BMAL2: variants seen among roughly 807,000 people sequenced by gnomAD.
BMAL2 encodes basic helix-loop-helix ARNT-like protein 2.
At chr12:27,367,254 G>A in the BMAL2 span, among the ~76,000 whole-genome samples, 1 of 144,774 alleles carries the variant, frequency 6.9e-6, no homozygotes, top group Non-Finnish European at 1.5e-5. Context: ...TAAGTGACTC[G>A]CGGGCAGGTG....
At chr12:27,423,880 C>G in the BMAL2 span, 1 of 152,160 alleles carries the variant, frequency 6.6e-6, no homozygotes. Context: ...ACTGTGCTGT[C>G]CAGTGCAGTA....
the BMAL2 span, chr12:27,394,647 T>C: frequency 6.6e-6 from 1 of 152,372 alleles, no homozygotes; most frequent in African/African-American, 2.4e-5. Flanking sequence ...TTCAACATTT[T>C]TTTTAGATTT....
chr12:27,374,561 A>G, the BMAL2 span, among the ~76,000 whole-genome samples: 1 of 152,222 alleles, frequency 6.6e-6, no homozygotes, highest in South Asian at 2.1e-4. Context: ...GAAGAAAATT[A>G]TTCATCTGTA....
At chr12:27,410,287 CAT>C in the BMAL2 span, among the ~76,000 whole-genome samples, 3 of 152,170 alleles carry the variant, frequency 2.0e-5, no homozygotes, top group Non-Finnish European at 4.4e-5. Context: ...TTTAAAGACA[CAT>C]ACACACGTAT....
chr12:27,403,416 C>A, the BMAL2 span: 1 of 1,446,920 alleles, frequency 6.9e-7, no homozygotes, highest in South Asian at 1.2e-5. Context: ...TGAATTTCTC[C>A]TTTTGCTGTT....
chr12:27,389,055 G>A, the BMAL2 span: 259 of 747,988 alleles, frequency 3.5e-4, 1 homozygote, highest in South Asian at 2.6e-3. Flanking sequence ...ACACAGTGTC[G>A]TGGACATATC....
At chr12:27,345,092 C>T in the BMAL2 span, among the ~76,000 whole-genome samples, 7 of 152,122 alleles carry the variant, frequency 4.6e-5, no homozygotes, top group Non-Finnish European at 1.0e-4. Flanking sequence ...TTTCTCAAGG[C>T]TATCATGAAA....
chr12:27,349,842 A>G, the BMAL2 span, among the ~76,000 whole-genome samples: 1 of 152,088 alleles, frequency 6.6e-6, no homozygotes, highest in Admixed American at 6.6e-5. Flanking sequence ...AGTCACACAC[A>G]GTAAGTTAGG....
chr12:27,351,862 G>C, the BMAL2 span, among the ~76,000 whole-genome samples: 1 of 152,062 alleles, frequency 6.6e-6, no homozygotes, highest in Non-Finnish European at 1.5e-5. Flanking sequence ...CTGATTGGTT[G>C]GCCCTACTTT....
chr12:27,402,588 A>G, the BMAL2 span: 5 of 1,567,138 alleles, frequency 3.2e-6, no homozygotes, highest in African/African-American at 5.5e-5. Flanking sequence ...CACCTTAGAA[A>G]GTAAATCACC....
the BMAL2 span, among the ~76,000 whole-genome samples, chr12:27,382,312 A>G: frequency 6.6e-6 from 1 of 152,222 alleles, no homozygotes; most frequent in Admixed American, 6.5e-5. Context: ...ACAAAACATG[A>G]TCTGAGCATC....
the BMAL2 span, among the ~76,000 whole-genome samples, chr12:27,368,964 A>G: frequency 6.6e-6 from 1 of 152,202 alleles, no homozygotes; most frequent in Non-Finnish European, 1.5e-5. Context: ...CCCCAAAGCT[A>G]GAGTTTATAT....
chr12:27,403,096 A>G, the BMAL2 span, among the ~76,000 whole-genome samples: 2 of 152,108 alleles, frequency 1.3e-5, no homozygotes, highest in East Asian at 3.8e-4. Flanking sequence ...GTATTGGGGG[A>G]GTTTTTGCTT....
the BMAL2 span, chr12:27,422,722 T>C: frequency 6.6e-6 from 1 of 152,360 alleles, no homozygotes; most frequent in East Asian, 1.9e-4. Flanking sequence ...GTTCTCTAAA[T>C]TGAGCAGAGG....
the BMAL2 span, among the ~76,000 whole-genome samples, chr12:27,345,040 C>T: frequency 6.6e-6 from 1 of 152,216 alleles, no homozygotes; most frequent in Non-Finnish European, 1.5e-5. Context: ...GGCTTCCTAA[C>T]TGGTATTTCT....
At chr12:27,344,578 C>T in the BMAL2 span, among the ~76,000 whole-genome samples, 1 of 152,184 alleles carries the variant, frequency 6.6e-6, no homozygotes, top group East Asian at 1.9e-4. Context: ...GTTTCTTTTT[C>T]CTCAAGGAAG....
chr12:27,350,770 C>T, the BMAL2 span, among the ~76,000 whole-genome samples: 3 of 151,860 alleles, frequency 2.0e-5, no homozygotes, highest in Non-Finnish European at 2.9e-5. Flanking sequence ...ACCTCCTCCT[C>T]CCAGGTTCAA....
At chr12:27,409,675 T>C in the BMAL2 span, among the ~76,000 whole-genome samples, 4 of 152,174 alleles carry the variant, frequency 2.6e-5, no homozygotes, top group Non-Finnish European at 5.9e-5. Context: ...ATTCAGGACA[T>C]AGGCATGGGC....
chr12:27,372,894 C>T, the BMAL2 span, among the ~76,000 whole-genome samples: 11 of 152,218 alleles, frequency 7.2e-5, no homozygotes, highest in Non-Finnish European at 8.8e-5. Flanking sequence ...AGGATGGTCT[C>T]GATCTCCTGA....
Sources: gnomAD v4.1 joint callset for allele counts (sites outside exome capture counted in the v4.1 genomes callset) on GRCh38, gnomAD v4.1.1 for gene constraint, MANE v1.5 for transcripts, NCBI Gene and HGNC (gene_info 2026-07-23, HGNC 2026-07-21) for gene names.